CSMD1: variants seen among roughly 807,000 people sequenced by gnomAD.
The protein encoded by CSMD1 is CUB and sushi domain-containing protein 1.
In CSMD1, 213 loss-of-function variants were observed where a neutral mutation model predicts 417.5. That is an observed-to-expected ratio of 0.51 (90% CI 0.46 to 0.57). CSMD1 has a LOEUF of 0.57. Among genes scored for constraint, CSMD1 ranks in the 20% least tolerant of loss-of-function variants. The pLI is 0.00. For missense variants in CSMD1, 6,923 were observed against 4,529.7 expected, an observed-to-expected ratio of 1.53 and a Z score of -15.17; for synonymous variants, 2,862 against 1,736.8, an observed-to-expected ratio of 1.65 and a Z score of -16.11.
chr8:4,637,421 G>A lies in CSMD1; in HGVS notation c.223C>T (p.His75Tyr), dbSNP rs529955824. Reference protein sequence around the residue: ...GERNRIQLSFHTFALEEDFDI... With the variant: ...GERNRIQLSFYTFALEEDFDI... ...AAATCTTCTTCAAGAGCAAAGGTAT[G>A]GAAGGACAACTGTATCCTATTGCGC... Residue 75 changes from histidine to tyrosine, a missense_variant, in exon 2 of 70, where the codon CAT (histidine) becomes TAT (tyrosine). Physicochemically the swap from His to Tyr is moderately conservative, Grantham distance 83 (BLOSUM62 2). Coordinates refer to ENST00000635120, the MANE Select transcript of CSMD1 (RefSeq NM_033225.6). The A allele has an allele frequency of 7.4e-6, 12 of 1,613,856 alleles. No homozygotes were observed. The East Asian group carries it at 2.2e-4, about 30-fold the overall frequency.
intron 6 of CSMD1, among the ~76,000 whole-genome samples, chr8:3,742,728 G>C (rs1054367988): frequency 1.3e-5 from 2 of 152,078 alleles, no homozygotes; most frequent in Non-Finnish European, 2.9e-5. Flanking sequence ...CAGAGAGAGA[G>C]AGAGAGAGAA....
chr8:3,316,649 A>T (rs2117451136), intron 23 of CSMD1, among the ~76,000 whole-genome samples: 1 of 152,232 alleles, frequency 6.6e-6, no homozygotes, highest in Admixed American at 6.5e-5. Context: ...AATTTACAGG[A>T]ACATTTGTAT....
intron 3 of CSMD1, among the ~76,000 whole-genome samples, chr8:4,390,565 G>A (rs955704131): frequency 1.4e-5 from 2 of 139,024 alleles, no homozygotes; most frequent in Non-Finnish European, 3.1e-5. Flanking sequence ...CCAGGCTGGA[G>A]TGCAGTGGTG....
At chr8:3,868,741 C>A (rs1805278317) in intron 5 of CSMD1, among the ~76,000 whole-genome samples, 1 of 152,212 alleles carries the variant, frequency 6.6e-6, no homozygotes, top group Admixed American at 6.5e-5. Context: ...TCTGCTCTCT[C>A]AACCCACATC....
intron 1 of CSMD1, among the ~76,000 whole-genome samples, chr8:4,757,141 T>C (rs1181215783): frequency 6.6e-6 from 1 of 152,208 alleles, no homozygotes; most frequent in East Asian, 1.9e-4. Flanking sequence ...TGAGAATAGA[T>C]GCGAATAACC....
chr8:4,015,859 C>T (rs569388265), intron 4 of CSMD1, among the ~76,000 whole-genome samples: 7 of 152,090 alleles, frequency 4.6e-5, no homozygotes, highest in East Asian at 1.9e-4. Flanking sequence ...CGTATGCTGC[C>T]GTTTTCTATG....
Position 4,712,544 on chromosome 8 carries a change from T to C in CSMD1, c.86-74986A>G, listed in dbSNP as rs1025791989. On this transcript the variant is annotated intron_variant, in intron 1 of 69. Transcript: ENST00000635120. ...CCTTATCCCTTTATCAGAGCAAAGA[T>C]AGTAAGTGAAATAGAAGAGAACAGA... is the stretch of plus-strand genomic sequence containing the variant. 3.9e-5 allele frequency among the ~76,000 whole-genome samples: 6 copies of C among 152,286 alleles called. No individual in the cohort carries two copies. The East Asian group carries it at 7.7e-4, about 20-fold the overall frequency.
At chr8:3,068,192 C>G (rs576234541) in intron 49 of CSMD1, among the ~76,000 whole-genome samples, 1 of 152,044 alleles carries the variant, frequency 6.6e-6, no homozygotes, top group Non-Finnish European at 1.5e-5. Flanking sequence ...TGGTAATTTT[C>G]TTCTTGTCAT....
At chr8:4,190,612 C>A (rs911853113) in intron 3 of CSMD1, among the ~76,000 whole-genome samples, 3 of 150,838 alleles carry the variant, frequency 2.0e-5, no homozygotes, top group African/African-American at 4.9e-5. Context: ...GGAATGGAAG[C>A]TCAAAGGGGT....
At chr8:4,369,288 T>C (rs536664463) in intron 3 of CSMD1, among the ~76,000 whole-genome samples, 5 of 152,148 alleles carry the variant, frequency 3.3e-5, no homozygotes, top group Non-Finnish European at 5.9e-5. Flanking sequence ...TCATTTTTGT[T>C]TGTGCTGTTT....
chr8:3,189,178 A>G (rs913720422), intron 34 of CSMD1, among the ~76,000 whole-genome samples, 167 bp from the exon 35 acceptor site: 19 of 152,346 alleles, frequency 1.2e-4, no homozygotes, highest in Admixed American at 1.2e-3. Flanking sequence ...ATTCTCTTTT[A>G]AATTAGCAAA....
At chr8:4,250,401 G>T (rs1802986832) in intron 3 of CSMD1, among the ~76,000 whole-genome samples, 1 of 152,146 alleles carries the variant, frequency 6.6e-6, no homozygotes, top group South Asian at 2.1e-4. Context: ...GATGCTGGTT[G>T]AGGATCCAAT....
intron 12 of CSMD1, among the ~76,000 whole-genome samples, chr8:3,442,229 A>C (rs138394450): frequency 0.026 from 3,962 of 152,294 alleles, 87 homozygotes; most frequent in East Asian, 0.091. Context: ...AAAAAGTTAC[A>C]GTAAGCTAAG....
At chr8:3,926,106 C>CAA (rs1809691972) in intron 5 of CSMD1, among the ~76,000 whole-genome samples, 5 of 51,160 alleles carry the variant, frequency 9.8e-5, no homozygotes, top group South Asian at 8.8e-4. Context: ...CACACACACA[C>CAA]ACACACACAC....
At chr8:3,389,438 C>G (rs1423430953) in intron 17 of CSMD1, among the ~76,000 whole-genome samples, 1 of 152,040 alleles carries the variant, frequency 6.6e-6, no homozygotes, top group East Asian at 1.9e-4. Context: ...AGATCAAAAT[C>G]AAGACAAGAA....
chr8:4,271,667 C>T (rs143172637), intron 3 of CSMD1, among the ~76,000 whole-genome samples: 1 of 152,200 alleles, frequency 6.6e-6, no homozygotes, highest in Non-Finnish European at 1.5e-5. Flanking sequence ...AAAATACATC[C>T]ACTTTAAGGT....
chr8:3,937,785 T>C (rs1190690520), intron 5 of CSMD1, among the ~76,000 whole-genome samples: 1 of 152,148 alleles, frequency 6.6e-6, no homozygotes, highest in Non-Finnish European at 1.5e-5. Context: ...CATGAGAGCC[T>C]CACATAGAAT....
At chr8:4,314,496 C>T (rs1203556912) in intron 3 of CSMD1, among the ~76,000 whole-genome samples, 1 of 152,124 alleles carries the variant, frequency 6.6e-6, no homozygotes, top group African/African-American at 2.4e-5. Flanking sequence ...CCTTTCTAAG[C>T]AGTCTGGACT....
chr8:3,260,891 C>G (rs1275142238), intron 26 of CSMD1, among the ~76,000 whole-genome samples: 1 of 152,062 alleles, frequency 6.6e-6, no homozygotes, highest in Non-Finnish European at 1.5e-5. Flanking sequence ...TGCTTGAAAG[C>G]CACGTATCTG....
Sources: allele counts gnomAD v4.1 joint callset (sites outside exome capture counted in the v4.1 genomes callset), GRCh38; gene constraint gnomAD v4.1.1; transcripts MANE v1.5; gene names NCBI Gene and HGNC (gene_info 2026-07-23, HGNC 2026-07-21).